Variants in TBC1D22A observed in about 807,000 individuals in gnomAD.
The protein encoded by TBC1D22A is TBC1 domain family member 22A.
Under a neutral mutation model 60.2 loss-of-function variants are expected in TBC1D22A, and 38 were observed. That is an observed-to-expected ratio of 0.63 (90% CI 0.49 to 0.83). The LOEUF (loss-of-function observed/expected upper bound fraction) is 0.83. TBC1D22A is among the 40% of genes least tolerant of loss of function. The pLI, the probability that TBC1D22A is intolerant of heterozygous loss-of-function variation, is 0.00. For missense variants in TBC1D22A, 628 were observed against 701.0 expected, an observed-to-expected ratio of 0.90 and a Z score of 1.18; for synonymous variants, 302 against 281.7, an observed-to-expected ratio of 1.07 and a Z score of -0.72.
intron 4 of TBC1D22A, among the ~76,000 whole-genome samples, chr22:46,842,124 A>G (rs1293561309): frequency 1.3e-5 from 2 of 152,226 alleles, no homozygotes; most frequent in East Asian, 3.9e-4. Flanking sequence ...TTTTTGCTGC[A>G]ACTTAAAAAC....
chr22:46,821,717 G>A (rs142508006), intron 4 of TBC1D22A, among the ~76,000 whole-genome samples: 1,996 of 152,012 alleles, frequency 0.013, 49 homozygotes, highest in African/African-American at 0.046. Context: ...TGTGTCTTGC[G>A]GTTGATCTTC....
At chr22:47,164,210 C>T (rs1294373867) in intron 12 of TBC1D22A, among the ~76,000 whole-genome samples, 5 of 152,182 alleles carry the variant, frequency 3.3e-5, no homozygotes, top group Admixed American at 1.3e-4. Context: ...CCCCGCAGGC[C>T]GTTCTCATTT....
intron 7 of TBC1D22A, among the ~76,000 whole-genome samples, chr22:46,906,783 G>T (rs970005871): frequency 6.8e-6 from 1 of 146,954 alleles, no homozygotes; most frequent in East Asian, 1.9e-4. Context: ...CCTGAACTGT[G>T]TGTGTGTGTG....
intron 11 of TBC1D22A, among the ~76,000 whole-genome samples, chr22:47,039,592 G>A (rs563557456): frequency 1.3e-5 from 2 of 151,718 alleles, no homozygotes; most frequent in South Asian, 4.2e-4. Flanking sequence ...TTGTCATGAG[G>A]GTGACAAAAG....
chr22:46,918,636 G>T (rs1022376243), intron 8 of TBC1D22A, among the ~76,000 whole-genome samples: 1 of 152,202 alleles, frequency 6.6e-6, no homozygotes, highest in African/African-American at 2.4e-5. Flanking sequence ...TAGGGATGGA[G>T]ACTGAAAATT....
intron 7 of TBC1D22A, among the ~76,000 whole-genome samples, chr22:46,906,931 G>A (rs1026493872): frequency 6.6e-6 from 1 of 152,062 alleles, no homozygotes; most frequent in Non-Finnish European, 1.5e-5. Flanking sequence ...GTGTGCGCGT[G>A]TGCTCTCTGT....
intron 1 of TBC1D22A, among the ~76,000 whole-genome samples, chr22:46,782,502 T>C (rs1601841074): frequency 6.6e-6 from 1 of 152,238 alleles, no homozygotes; most frequent in East Asian, 1.9e-4. Flanking sequence ...AGATACCACG[T>C]ACATACCACA....
intron 8 of TBC1D22A, chr22:46,913,466 C>CT (rs775850829): frequency 7.6e-7 from 1 of 1,320,868 alleles, no homozygotes; most frequent in Non-Finnish European, 9.9e-7. Flanking sequence ...TTTACTGCAG[C>CT]CCTCTGACAC....
chr22:47,110,612 C>T (rs1199782305), intron 11 of TBC1D22A, among the ~76,000 whole-genome samples: 1 of 152,198 alleles, frequency 6.6e-6, no homozygotes, highest in Non-Finnish European at 1.5e-5. Context: ...GTTCCTCGTC[C>T]CAGTCTTTGC....
At chr22:46,864,854 T>G (rs898074997) in intron 4 of TBC1D22A, among the ~76,000 whole-genome samples, 3 of 152,316 alleles carry the variant, frequency 2.0e-5, no homozygotes, top group Middle Eastern at 3.4e-3. Context: ...AAGTTCATCC[T>G]GTGTGTTGAG....
chr22:47,160,619 A>G, intron 12 of TBC1D22A, among the ~76,000 whole-genome samples: 1 of 152,210 alleles, frequency 6.6e-6, no homozygotes, highest in East Asian at 1.9e-4. Flanking sequence ...ATGAAAGTAC[A>G]GGGGTCTTCG....
intron 7 of TBC1D22A, among the ~76,000 whole-genome samples, chr22:46,902,784 G>GA (rs1027086694): frequency 6.4e-4 from 97 of 151,238 alleles, no homozygotes; most frequent in African/African-American, 2.3e-3. Context: ...AACACCAGCA[G>GA]ACAGACACCC....
chr22:47,082,336 G>C lies in TBC1D22A; in HGVS notation c.1330-29172G>C, dbSNP rs114175989. On this transcript the variant is annotated intron_variant, in intron 11 of 12. Coordinates refer to ENST00000337137, the MANE Select transcript of TBC1D22A (RefSeq NM_014346.5). ...GTTTTTTAAAAGAACAACTAAGTTT[G>C]AGAACTTCTTGATTTTAGGACTTCC... Among the ~76,000 whole-genome samples the C allele has an allele frequency of 3.6e-3, 541 of 152,248 alleles. 2 individuals are homozygous for C. Among genetic ancestry groups the C allele is most frequent in the African/African-American group, 0.012 (502 of 41,530 alleles).
chr22:47,083,876 A>G (rs2147578330), intron 11 of TBC1D22A, among the ~76,000 whole-genome samples: 1 of 152,278 alleles, frequency 6.6e-6, no homozygotes, highest in Admixed American at 6.5e-5. Flanking sequence ...AGGATTGACA[A>G]CTCTAAATGC....
At chr22:47,138,550 C>G (rs1223918877) in intron 12 of TBC1D22A, among the ~76,000 whole-genome samples, 6 of 152,228 alleles carry the variant, frequency 3.9e-5, no homozygotes, top group African/African-American at 1.4e-4. Context: ...CTCTTCCCTC[C>G]CCTGAGCTGT....
At chr22:47,061,718 T>A (rs1304531394) in intron 11 of TBC1D22A, among the ~76,000 whole-genome samples, 1 of 152,078 alleles carries the variant, frequency 6.6e-6, no homozygotes, top group Non-Finnish European at 1.5e-5. Context: ...TTTGTGTCTT[T>A]GTGTAGTGGA....
intron 8 of TBC1D22A, among the ~76,000 whole-genome samples, chr22:46,960,941 C>A (rs910054377): frequency 8.7e-6 from 1 of 115,324 alleles, no homozygotes; most frequent in African/African-American, 3.6e-5. Context: ...GGAGACAGAG[C>A]GAGACACCAT....
chr22:47,113,435 G>A (rs1315583320), intron 12 of TBC1D22A, among the ~76,000 whole-genome samples: 1 of 152,156 alleles, frequency 6.6e-6, no homozygotes, highest in African/African-American at 2.4e-5. Flanking sequence ...TGGGGTGGGA[G>A]AGGACTCGGG....
intron 4 of TBC1D22A, among the ~76,000 whole-genome samples, chr22:46,801,696 G>T (rs773824150): frequency 6.6e-6 from 1 of 152,244 alleles, no homozygotes; most frequent in African/African-American, 2.4e-5. Context: ...GGCAAACTGT[G>T]TGTGGAGCTC....
Sources: gnomAD v4.1 joint callset for allele counts (sites outside exome capture counted in the v4.1 genomes callset) on GRCh38, gnomAD v4.1.1 for gene constraint, MANE v1.5 for transcripts, NCBI Gene and HGNC (gene_info 2026-07-23, HGNC 2026-07-21) for gene names.